Variants in CSMD1 observed in about 807,000 individuals in gnomAD.
CSMD1 encodes the protein CUB and sushi domain-containing protein 1.
A neutral mutation model predicts 417.5 loss-of-function variants in CSMD1; 213 were observed. The ratio of observed to expected loss-of-function variants is 0.51; its 90% CI spans 0.46 to 0.57. The LOEUF (loss-of-function observed/expected upper bound fraction) is 0.57, where lower values mean the gene tolerates loss of function less well. Ranked by LOEUF, CSMD1 falls within the 20% of genes least tolerant of loss-of-function variation. The probability of loss-of-function intolerance (pLI) is 0.00; values close to 1 mark genes in which losing one functional copy is unlikely to be tolerated. For missense variants in CSMD1, 6,923 were observed against 4,529.7 expected, an observed-to-expected ratio of 1.53 and a Z score of -15.17; for synonymous variants, 2,862 against 1,736.8, an observed-to-expected ratio of 1.65 and a Z score of -16.11.
chr8:4,576,427 T>C (rs2130677748), intron 2 of CSMD1, among the ~76,000 whole-genome samples: 1 of 152,330 alleles, frequency 6.6e-6, no homozygotes, highest in South Asian at 2.1e-4. Flanking sequence ...TCTTGCAAAA[T>C]CCTCTTACAG....
At chr8:4,527,754 C>A (rs1227635967) in intron 2 of CSMD1, among the ~76,000 whole-genome samples, 1 of 152,162 alleles carries the variant, frequency 6.6e-6, no homozygotes, top group Non-Finnish European at 1.5e-5. Flanking sequence ...ACTTTAGACA[C>A]ACTACAATCG....
intron 1 of CSMD1, among the ~76,000 whole-genome samples, chr8:4,992,130 G>A (rs2117484045): frequency 6.6e-6 from 1 of 152,300 alleles, no homozygotes; most frequent in Non-Finnish European, 1.5e-5. Flanking sequence ...CTGCCCCGCA[G>A]GGCCCGAGGC....
rs75156464 is a variant in CSMD1, at chr8:4,394,557, G to A, written c.415+25396C>T. Among the ~76,000 whole-genome samples the A allele has an allele frequency of 2.0e-5, 3 of 152,148 alleles. No homozygotes were observed. The East Asian group carries it at 5.8e-4, about 29-fold the overall frequency. Reference sequence around the variant, plus strand: ...TAAACTCATTGCTTTGGAGCAAATGGACTTTGGTTCAACCCATGTCTGTGG... The same window carrying A: ...TAAACTCATTGCTTTGGAGCAAATGAACTTTGGTTCAACCCATGTCTGTGG... On this transcript the variant is annotated intron_variant, in intron 3 of 69. Coordinates refer to ENST00000635120, the MANE Select transcript of CSMD1 (RefSeq NM_033225.6).
chr8:3,677,986 C>T (rs754857500), intron 7 of CSMD1, among the ~76,000 whole-genome samples: 1 of 152,126 alleles, frequency 6.6e-6, no homozygotes, highest in Non-Finnish European at 1.5e-5. Flanking sequence ...CAGGGACTCA[C>T]AGCCTCCATC....
chr8:4,863,872 TC>T (rs1193221222), intron 1 of CSMD1, among the ~76,000 whole-genome samples: 1 of 152,008 alleles, frequency 6.6e-6, no homozygotes, highest in African/African-American at 2.4e-5. Context: ...TATTCTGCCT[TC>T]ACAAAATTGT....
chr8:4,192,631 A>G (rs1013024839), intron 3 of CSMD1, among the ~76,000 whole-genome samples: 3 of 152,228 alleles, frequency 2.0e-5, no homozygotes, highest in Non-Finnish European at 2.9e-5. Context: ...AGCAGAGGGC[A>G]TATTTGCTCA....
chr8:4,899,029 C>A (rs1489028202), intron 1 of CSMD1, among the ~76,000 whole-genome samples: 1 of 152,080 alleles, frequency 6.6e-6, no homozygotes, highest in African/African-American at 2.4e-5. Flanking sequence ...TAAACACAAT[C>A]GACTCCTTTG....
At chr8:4,229,759 C>T (rs897933137) in intron 3 of CSMD1, among the ~76,000 whole-genome samples, 1 of 152,152 alleles carries the variant, frequency 6.6e-6, no homozygotes, top group Non-Finnish European at 1.5e-5. Context: ...CATAGCATAT[C>T]ACAATGCGAC....
intron 3 of CSMD1, among the ~76,000 whole-genome samples, chr8:4,228,585 A>C (rs1585059022): frequency 8.2e-6 from 1 of 122,464 alleles, no homozygotes; most frequent in Admixed American, 8.4e-5. Context: ...CTTCTCTGTC[A>C]GATCTTTTTT....
chr8:3,128,271 C>A (rs1563069715), intron 41 of CSMD1: 1 of 152,272 alleles, frequency 6.6e-6, no homozygotes, highest in Non-Finnish European at 1.5e-5. Context: ...CCGCTAATAT[C>A]TAGTTAGTTG....
At position 3,181,228 on chromosome 8, in the gene CSMD1, T is replaced by G; in HGVS notation, c.5621-14A>C. 1.3e-6 allele frequency: 2 copies of G among 1,566,726 alleles called. No homozygotes were observed. The highest frequency in any genetic ancestry group is 1.8e-6 in the Non-Finnish European group (2 of 1,137,836). ...GTACTGTGGTGCCTGTAAGAAACAA[T>G]GCAGATAGAATTGTAACACTACAAA... On this transcript the variant is annotated splice_polypyrimidine_tract_variant and intron_variant, in intron 36 of 69. Coordinates refer to ENST00000635120, the MANE Select transcript of CSMD1 (RefSeq NM_033225.6).
chr8:3,187,043 C>G (rs1422503612), intron 36 of CSMD1, among the ~76,000 whole-genome samples: 1 of 152,194 alleles, frequency 6.6e-6, no homozygotes, highest in Admixed American at 6.5e-5. Context: ...CTGCACCTGG[C>G]CATACTCAAG....
chr8:3,260,289 C>T (rs930522081), intron 26 of CSMD1, among the ~76,000 whole-genome samples: 5 of 152,092 alleles, frequency 3.3e-5, no homozygotes, highest in African/African-American at 4.8e-5. Context: ...AGAATAGAAA[C>T]GCCACCTCTG....
intron 2 of CSMD1, among the ~76,000 whole-genome samples, chr8:4,525,132 A>G (rs1023234972): frequency 6.6e-6 from 1 of 152,192 alleles, no homozygotes; most frequent in Non-Finnish European, 1.5e-5. Flanking sequence ...TTTTCAATCT[A>G]CTCCAACATT....
At chr8:4,338,596 G>T (rs1013440873) in intron 3 of CSMD1, among the ~76,000 whole-genome samples, 4 of 151,984 alleles carry the variant, frequency 2.6e-5, no homozygotes, top group African/African-American at 9.7e-5. Context: ...ACTCATAATA[G>T]AAACACAGCA....
chr8:4,954,773 C>G (rs903157859), intron 1 of CSMD1, among the ~76,000 whole-genome samples: 1 of 152,086 alleles, frequency 6.6e-6, no homozygotes, highest in Non-Finnish European at 1.5e-5. Flanking sequence ...TGCTATTACA[C>G]AGAATTACGG....
intron 2 of CSMD1, among the ~76,000 whole-genome samples, chr8:4,600,219 C>T (rs923520203): frequency 1.5e-4 from 9 of 58,530 alleles, no homozygotes; most frequent in African/African-American, 3.3e-4. Flanking sequence ...GCCATGGACC[C>T]TCCTCACGTG....
chr8:4,903,273 G>A (rs1310514398), intron 1 of CSMD1, among the ~76,000 whole-genome samples: 3 of 152,158 alleles, frequency 2.0e-5, no homozygotes, highest in East Asian at 1.9e-4. Context: ...TCCCTGGAGT[G>A]AATTACAGCT....
intron 1 of CSMD1, among the ~76,000 whole-genome samples, chr8:4,658,813 C>T (rs1804398379): frequency 6.6e-6 from 1 of 152,056 alleles, no homozygotes; most frequent in Non-Finnish European, 1.5e-5. Flanking sequence ...TTAATGGTAA[C>T]ACAATTTATG....
Sources: gnomAD v4.1 joint callset for allele counts (sites outside exome capture counted in the v4.1 genomes callset) on GRCh38, gnomAD v4.1.1 for gene constraint, MANE v1.5 for transcripts, NCBI Gene and HGNC (gene_info 2026-07-23, HGNC 2026-07-21) for gene names.